SYNPR: variants seen among roughly 807,000 people sequenced by gnomAD.
SYNPR encodes the protein synaptoporin.
In SYNPR, 23 loss-of-function variants were observed where a neutral mutation model predicts 32.9. That is an observed-to-expected ratio of 0.70 (90% CI 0.50 to 0.99). The LOEUF (loss-of-function observed/expected upper bound fraction) is 0.99, where lower values mean the gene tolerates loss of function less well. Ranked by LOEUF, SYNPR falls within the 50% of genes least tolerant of loss-of-function variation. The pLI, the probability that SYNPR is intolerant of heterozygous loss-of-function variation, is 0.00. For synonymous variants in SYNPR, 146 were observed against 135.9 expected, an observed-to-expected ratio of 1.07 and a Z score of -0.52; for missense variants, 318 against 349.3, an observed-to-expected ratio of 0.91 and a Z score of 0.71.
intron 2 of SYNPR, among the ~76,000 whole-genome samples, chr3:63,321,076 T>A (rs927810951): frequency 6.6e-6 from 1 of 152,074 alleles, no homozygotes; most frequent in Non-Finnish European, 1.5e-5. Context: ...ATTCTTAACC[T>A]AGGGCAGCCT....
chr3:63,275,807 T>G (rs887947365), upstream of SYNPR, among the ~76,000 whole-genome samples: 1 of 152,162 alleles, frequency 6.6e-6, no homozygotes, highest in African/African-American at 2.4e-5. Context: ...GGTATTACAA[T>G]AATAATTATC....
intron 3 of SYNPR, among the ~76,000 whole-genome samples, chr3:63,270,417 A>G (rs1279067398): frequency 2.6e-5 from 4 of 152,200 alleles, no homozygotes; most frequent in Non-Finnish European, 5.9e-5. Context: ...CATCCGTAGT[A>G]AGATTAAAAT....
intron 3 of SYNPR, among the ~76,000 whole-genome samples, chr3:63,269,384 G>A (rs995887201): frequency 2.0e-5 from 3 of 152,070 alleles, no homozygotes; most frequent in African/African-American, 7.2e-5. Flanking sequence ...AGCTACTTGG[G>A]AGGCTGAGGC....
intron 2 of SYNPR, among the ~76,000 whole-genome samples, chr3:63,288,702 G>C (rs2106927502): frequency 1.3e-5 from 2 of 152,278 alleles, no homozygotes; most frequent in East Asian, 3.9e-4. Context: ...GGTAAATTCA[G>C]CTCTGGCCCT....
the SYNPR span, among the ~76,000 whole-genome samples, chr3:63,210,321 A>C: frequency 6.6e-6 from 1 of 152,220 alleles, no homozygotes. Flanking sequence ...GGAGTAGGTA[A>C]CACAGCAGAA....
chr3:63,535,248 C>G (rs1006803043), intron 3 of SYNPR, among the ~76,000 whole-genome samples: 7 of 151,932 alleles, frequency 4.6e-5, no homozygotes, highest in African/African-American at 1.7e-4. Flanking sequence ...AGAACAATTC[C>G]TCAATAAATA....
At chr3:63,543,014 T>C (rs1418353321) in intron 3 of SYNPR, among the ~76,000 whole-genome samples, 4 of 152,152 alleles carry the variant, frequency 2.6e-5, no homozygotes, top group African/African-American at 9.6e-5. Context: ...TTTATTTTTG[T>C]AGATTATATC....
At position 63,522,268 on chromosome 3, in the gene SYNPR, C is replaced by T. The variant is rs577295471; in HGVS notation, c.210-34275C>T. Among the ~76,000 whole-genome samples, 11 of 152,304 alleles carry T rather than the reference C, an allele frequency of 7.2e-5. No individual in the cohort carries two copies. In the South Asian group the frequency reaches 8.3e-4, roughly 11 times the overall value. On this transcript the variant is annotated intron_variant, in intron 3 of 5. Coordinates refer to ENST00000478300, the MANE Select transcript of SYNPR (RefSeq NM_001130003.2). ...TCTATCGTTCCAGTTTTATTGCTTCCTATGTCTCACTTTATCCAAGGAATT... is the reference window on the plus strand; with the variant it reads ...TCTATCGTTCCAGTTTTATTGCTTCTTATGTCTCACTTTATCCAAGGAATT...
intron 4 of SYNPR, among the ~76,000 whole-genome samples, chr3:63,585,995 T>C (rs1291146328): frequency 6.6e-6 from 1 of 152,118 alleles, no homozygotes; most frequent in Non-Finnish European, 1.5e-5. Context: ...GTAATTCAAA[T>C]GCAATATTTT....
intron 2 of SYNPR, among the ~76,000 whole-genome samples, chr3:63,470,979 C>T (rs1700784108): frequency 6.6e-6 from 1 of 152,150 alleles, no homozygotes; most frequent in Admixed American, 6.6e-5. Flanking sequence ...GGTGCAGTCC[C>T]CAGACTAGTC....
intron 2 of SYNPR, among the ~76,000 whole-genome samples, chr3:63,299,464 T>A (rs2086821658): frequency 6.6e-6 from 1 of 152,150 alleles, no homozygotes; most frequent in Non-Finnish European, 1.5e-5. Context: ...ACAGTATCTG[T>A]CTCAAACCTG....
chr3:63,502,724 G>T (rs542818536), intron 3 of SYNPR, among the ~76,000 whole-genome samples: 1 of 152,028 alleles, frequency 6.6e-6, no homozygotes, highest in Non-Finnish European at 1.5e-5. Context: ...TCTTAGCTTG[G>T]TAGCTCCTTT....
upstream of SYNPR, among the ~76,000 whole-genome samples, chr3:63,227,045 A>G (rs1046970556): frequency 2.0e-5 from 3 of 152,238 alleles, no homozygotes; most frequent in Non-Finnish European, 4.4e-5. Flanking sequence ...TATTTAAAAA[A>G]GCAGGATTGG....
At chr3:63,380,058 G>A (rs537178870) in intron 2 of SYNPR, among the ~76,000 whole-genome samples, 10 of 152,266 alleles carry the variant, frequency 6.6e-5, no homozygotes, top group African/African-American at 2.4e-4. Context: ...TGGTGTATAT[G>A]TGCCACATTT....
At chr3:63,515,956 A>G (rs1224635772) in intron 3 of SYNPR, among the ~76,000 whole-genome samples, 4 of 152,098 alleles carry the variant, frequency 2.6e-5, no homozygotes, top group Non-Finnish European at 5.9e-5. Flanking sequence ...CCAGTCCCCT[A>G]TAGATGAAGG....
At chr3:63,202,026 C>T in the SYNPR span, among the ~76,000 whole-genome samples, 4 of 152,086 alleles carry the variant, frequency 2.6e-5, no homozygotes, top group African/African-American at 9.6e-5. Flanking sequence ...TCAAATGCTG[C>T]CAGGAGTTCA....
At chr3:63,243,746 G>A (rs62251304) in intron 1 of SYNPR, among the ~76,000 whole-genome samples, 21,647 of 151,910 alleles carry the variant, frequency 0.14, 2,059 homozygotes, top group Non-Finnish European at 0.21. Flanking sequence ...TCAGAATTAC[G>A]TATATGGTCA....
chr3:63,355,200 G>A (rs1019913715), intron 2 of SYNPR, among the ~76,000 whole-genome samples: 36 of 151,568 alleles, frequency 2.4e-4, no homozygotes, highest in African/African-American at 8.5e-4. Context: ...AATGGCTTCA[G>A]CCTTGGAGGT....
intron 1 of SYNPR, among the ~76,000 whole-genome samples, chr3:63,239,957 A>C (rs935478281): frequency 2.0e-5 from 3 of 152,152 alleles, no homozygotes; most frequent in Non-Finnish European, 4.4e-5. Flanking sequence ...ATAGATTATC[A>C]GATGGATTTA....
Sources: allele counts gnomAD v4.1 joint callset (sites outside exome capture counted in the v4.1 genomes callset), GRCh38; gene constraint gnomAD v4.1.1; transcripts MANE v1.5; gene names NCBI Gene and HGNC (gene_info 2026-07-23, HGNC 2026-07-21).